Variants in SCGB1D4 observed in about 807,000 individuals in gnomAD.
SCGB1D4 encodes the protein IFN-gamma inducible SCGB (IIS).
Under a neutral mutation model 8.1 loss-of-function variants are expected in SCGB1D4, and 6 were observed. The observed-to-expected ratio is 0.74, with a 90% confidence interval of 0.40 to 1.45. SCGB1D4 has a LOEUF of 1.45. SCGB1D4 is among the 40% of genes most tolerant of loss of function. SCGB1D4 has a pLI of 0.02. For missense variants in SCGB1D4, 93 were observed against 95.0 expected (o/e 0.98, Z 0.09); for synonymous variants, 34 against 38.1 (o/e 0.89, Z 0.39).
chr11:62,296,422 G>C lies in SCGB1D4; in HGVS notation c.243-3C>G. 2 of 1,593,862 alleles carry C rather than the reference G, an allele frequency of 1.3e-6. No individual in the cohort carries two copies. Among genetic ancestry groups the C allele is most frequent in the South Asian group, 2.2e-5 (2 of 89,760 alleles). On this transcript the variant is annotated splice_region_variant and splice_polypyrimidine_tract_variant and intron_variant, in intron 2 of 2. Coordinates refer to ENST00000358585, the MANE Select transcript of SCGB1D4 (RefSeq NM_206998.2). ...CCACATTTTTTCACTATTTCCACCT[G>C]AAATCAAAAAAAAGAAAGAAAGAAA...
Position 62,297,664 on chromosome 11 carries a change from GCA to G in SCGB1D4, c.56-8_56-7del, listed in dbSNP as rs1285853341. On this transcript the variant is annotated splice_region_variant and splice_polypyrimidine_tract_variant and intron_variant, in intron 1 of 2. Transcript: ENST00000358585. Reference sequence around the variant, plus strand: ...TGGGCAGACAAGAGCATGGGCTGCAGCACAAAAATAAAAATATTGTTGATGTT... The same window carrying G: ...TGGGCAGACAAGAGCATGGGCTGCAGCAAAAATAAAAATATTGTTGATGTT... 3.1e-6 allele frequency: 5 copies of G among 1,606,756 alleles called. No homozygotes were observed. Among genetic ancestry groups the G allele is most frequent in the African/African-American group, 2.7e-5 (2 of 74,298 alleles).
chr11:62,298,039 TGTG>T (rs1565139710), intron 1 of SCGB1D4, among the ~76,000 whole-genome samples: 4 of 147,032 alleles, frequency 2.7e-5, no homozygotes, highest in African/African-American at 1.0e-4. Context: ...TGTGTGTGTG[TGTG>T]TGTGTTTTGT....
intron 1 of SCGB1D4, among the ~76,000 whole-genome samples, chr11:62,298,551 G>A (rs1171412558): frequency 6.6e-6 from 1 of 152,098 alleles, no homozygotes; most frequent in Non-Finnish European, 1.5e-5. Flanking sequence ...CTGAGGTCGG[G>A]AGTTCGAGAC....
intron 1 of SCGB1D4, among the ~76,000 whole-genome samples, chr11:62,298,418 G>A (rs1387487941): frequency 6.6e-6 from 1 of 152,136 alleles, no homozygotes; most frequent in African/African-American, 2.4e-5. Flanking sequence ...ACATTTGCCT[G>A]AACTGATTTT....
chr11:62,296,616 C>T (rs1945443287), intron 2 of SCGB1D4, among the ~76,000 whole-genome samples, 197 bp from the exon 3 acceptor site: 1 of 152,174 alleles, frequency 6.6e-6, no homozygotes, highest in South Asian at 2.1e-4. Flanking sequence ...AGAAAGCAGC[C>T]TTTCCCCACC....
intron 2 of SCGB1D4, among the ~76,000 whole-genome samples, chr11:62,297,066 G>A (rs1006809827): frequency 6.6e-6 from 1 of 152,210 alleles, no homozygotes; most frequent in African/African-American, 2.4e-5. Flanking sequence ...GTGGTCAGGA[G>A]AGTGTCATGG....
At position 62,297,590 on chromosome 11, in the gene SCGB1D4, C is replaced by A; in HGVS notation, c.124G>T (p.Val42Leu). Reference protein sequence around the residue: ...TVFLFLSDAAVNLQVAKLNPP... With the variant: ...TVFLFLSDAALNLQVAKLNPP... The stretch of plus-strand genomic sequence containing the variant: ...TTAAGTTTGGCAACTTGGAGGTTTA[C>A]CGCAGCGTCACTTAAGAATAAGAAG... Residue 42 changes from valine to leucine, a missense_variant, in exon 2 of 3, where the codon GTA becomes TTA. Physicochemically the swap from Val to Leu is conservative, Grantham distance 32 (BLOSUM62 1). Coordinates refer to ENST00000358585, the MANE Select transcript of SCGB1D4 (RefSeq NM_206998.2). 2 of 1,609,772 alleles carry A rather than the reference C, an allele frequency of 1.2e-6. No homozygotes were observed. Among genetic ancestry groups the A allele is most frequent in the East Asian group, 4.5e-5 (2 of 44,558 alleles).
chr11:62,296,542 G>A (rs1240323213), intron 2 of SCGB1D4, 123 bp from the exon 3 acceptor site: 3 of 971,498 alleles, frequency 3.1e-6, no homozygotes, highest in Non-Finnish European at 4.7e-6. Context: ...GAAAGGCAGA[G>A]GCAAGAATTC....
chr11:62,297,669 A>C lies in SCGB1D4; in HGVS notation c.56-11T>G. The C allele has an allele frequency of 6.2e-7, 1 of 1,606,586 alleles. No homozygotes were observed. The highest frequency in any genetic ancestry group is 1.1e-5 in the South Asian group (1 of 90,170). Reference sequence around the variant, plus strand: ...AGACAAGAGCATGGGCTGCAGCACAAAAATAAAAATATTGTTGATGTTAGG... The same window carrying C: ...AGACAAGAGCATGGGCTGCAGCACACAAATAAAAATATTGTTGATGTTAGG... On this transcript the variant is annotated splice_polypyrimidine_tract_variant and intron_variant, in intron 1 of 2. Coordinates refer to ENST00000358585, the MANE Select transcript of SCGB1D4 (RefSeq NM_206998.2).
chr11:62,298,831 G>T, intron 1 of SCGB1D4, 125 bp downstream of exon 1: 1 of 684,270 alleles, frequency 1.5e-6, no homozygotes, highest in Non-Finnish European at 2.3e-6. Flanking sequence ...AACAAGCACA[G>T]AAAAGGGTTT....
In SCGB1D4 at chr11:62,297,646, A is replaced by G; in HGVS notation, c.68T>C (p.Val23Ala). ...GATCTCAGAAGCAACAGCTGGGCAG[A>G]CAAGAGCATGGGCTGCAGCACAAAA... Reference protein sequence around the residue: ...ALCCYQAHALVCPAVASEITV... With the variant: ...ALCCYQAHALACPAVASEITV... The change falls in exon 2 of 3, where the codon GTC (valine) becomes GCC (alanine). Residue 23 changes from valine to alanine, a missense_variant. Val to Ala is a moderately conservative substitution (Grantham distance 64). Transcript: ENST00000358585. 1 of 1,612,578 alleles carries G rather than the reference A, an allele frequency of 6.2e-7. No individual in the cohort carries two copies. The highest frequency in any genetic ancestry group is 1.3e-5 in the African/African-American group (1 of 74,916).
At position 62,297,506 on chromosome 11, in the gene SCGB1D4, A is replaced by T. The variant is rs758164580; in HGVS notation, c.208T>A (p.Ser70Thr). The T allele has an allele frequency of 3.1e-6, 5 of 1,612,346 alleles. No individual in the cohort carries two copies. The highest frequency in any genetic ancestry group is 3.4e-6 in the Non-Finnish European group (4 of 1,179,432). Reference sequence around the variant, plus strand: ...TTCAATGAGAGTCGTTTCTTAAAAGATATCTGATCGGTGCAGTGCTTCACT... The same window carrying T: ...TTCAATGAGAGTCGTTTCTTAAAAGTTATCTGATCGGTGCAGTGCTTCACT... ...LEVKHCTDQI[S>T]FKKRLSLKKS... Residue 70 changes from serine to threonine, a missense_variant, in exon 2 of 3, where the codon TCT (serine) becomes ACT (threonine). Ser to Thr is a moderately conservative substitution (Grantham distance 58). Transcript: ENST00000358585.
intron 1 of SCGB1D4, 21 bp downstream of exon 1, chr11:62,298,935 A>C (rs368637558): frequency 6.2e-7 from 1 of 1,613,002 alleles, no homozygotes; most frequent in African/African-American, 1.3e-5. Flanking sequence ...CTGGTGCTGG[A>C]CTCATGACTG....
intron 1 of SCGB1D4, 54 bp from the exon 2 acceptor site, chr11:62,297,712 C>A: frequency 6.8e-7 from 1 of 1,473,328 alleles, no homozygotes; most frequent in South Asian, 1.2e-5. Context: ...ATTTTTCTCT[C>A]ATGGCTCCCT....
At chr11:62,296,689 G>A (rs931696864) in intron 2 of SCGB1D4, among the ~76,000 whole-genome samples, 4 of 152,176 alleles carry the variant, frequency 2.6e-5, no homozygotes, top group Non-Finnish European at 5.9e-5. Context: ...GAGGAGGGGA[G>A]GGGTTGACAG....
At chr11:62,298,311 G>A (rs1372609558) in intron 1 of SCGB1D4, among the ~76,000 whole-genome samples, 1 of 152,062 alleles carries the variant, frequency 6.6e-6, no homozygotes, top group Non-Finnish European at 1.5e-5. Context: ...AGATCAAGGG[G>A]TGGGAAGTGT....
chr11:62,298,906 A>G (rs761122937), intron 1 of SCGB1D4, 50 bp downstream of exon 1: 3 of 1,586,836 alleles, frequency 1.9e-6, no homozygotes, highest in South Asian at 1.1e-5. Context: ...TGTGCTCAGA[A>G]GAGGGTGCAT....
Position 62,298,973 on chromosome 11 carries a change from G to T in SCGB1D4, c.38C>A (p.Ala13Asp). 1 of 1,613,976 alleles carries T rather than the reference G, an allele frequency of 6.2e-7. No individual in the cohort carries two copies. The highest frequency in any genetic ancestry group is 8.5e-7 in the Non-Finnish European group (1 of 1,179,912). The change falls in exon 1 of 3, where the codon GCC becomes GAC. Residue 13 changes from alanine to aspartate, a missense_variant. Transcript: ENST00000358585. ...LSVCLLMVSL[A>D]LCCYQAHALV... Reference sequence around the variant, plus strand: ...GTACTCACCCTGGTAGCAGCAAAGGGCCAGCGAGACCATCAGGAGACACAC... The same window carrying T: ...GTACTCACCCTGGTAGCAGCAAAGGTCCAGCGAGACCATCAGGAGACACAC...
rs373367803 is a variant in SCGB1D4, at chr11:62,296,363, G to A, written c.*47C>T. 1.4e-5 allele frequency: 22 copies of A among 1,579,290 alleles called. No individual in the cohort carries two copies. The highest frequency in any genetic ancestry group is 8.4e-5 in the Admixed American group (5 of 59,782). ...GATCAGGGTGTCGTTGAAAGACTTT[G>A]GAAACCAGGTTGAGCATTTTTACAT... On this transcript the variant is annotated 3_prime_UTR_variant, in exon 3 of 3. Transcript: ENST00000358585.
Sources: allele counts gnomAD v4.1 joint callset (sites outside exome capture counted in the v4.1 genomes callset), GRCh38; gene constraint gnomAD v4.1.1; transcripts MANE v1.5; gene names NCBI Gene and HGNC (gene_info 2026-07-23, HGNC 2026-07-21).